Variants in TMEM117 observed in about 807,000 individuals in gnomAD.
The protein encoded by TMEM117 is transmembrane protein 117.
TMEM117 carries 27 observed loss-of-function variants against 52.4 expected under a neutral mutation model. That is an observed-to-expected ratio of 0.51 (90% CI 0.38 to 0.71). TMEM117 has a LOEUF of 0.71. TMEM117 is among the 30% of genes least tolerant of loss of function. The pLI is 0.00. For synonymous variants in TMEM117, 215 were observed against 206.3 expected, an observed-to-expected ratio of 1.04 and a Z score of -0.36; for missense variants, 556 against 630.5, an observed-to-expected ratio of 0.88 and a Z score of 1.26.
chr12:43,909,044 A>AT (rs1387859351), intron 2 of TMEM117, among the ~76,000 whole-genome samples: 2 of 77,076 alleles, frequency 2.6e-5, no homozygotes, highest in Non-Finnish European at 7.0e-5. Context: ...CAGAATATAC[A>AT]TTTTTTTCAG....
Position 44,388,265 on chromosome 12 carries a change from T to G in TMEM117, c.1138T>G (p.Phe380Val). ...TNKTYVEGDM[F>V]LHSRFIGASL... ...TAAAACATATGTTGAGGGAGACATG[T>G]TCTTACACAGCAGGTTCATAGGAGC... The change falls in exon 8 of 8, where the codon TTC becomes GTC. Residue 380 changes from phenylalanine to valine, a missense_variant. Physicochemically the swap from Phe to Val is conservative, Grantham distance 50. Transcript: ENST00000266534. 6.2e-7 allele frequency: 1 copy of G among 1,613,594 alleles called. No individual in the cohort carries two copies. Among genetic ancestry groups the G allele is most frequent in the Non-Finnish European group, 8.5e-7 (1 of 1,179,660 alleles).
intron 4 of TMEM117, 134 bp from the exon 5 acceptor site, chr12:44,211,152 AATTT>A (rs1270103196): frequency 9.3e-6 from 6 of 647,984 alleles, no homozygotes; most frequent in Non-Finnish European, 1.6e-5. Context: ...AGTATATCCT[AATTT>A]TTGTTTCTGC....
At chr12:44,127,772 TC>T (rs1229586116) in intron 3 of TMEM117, among the ~76,000 whole-genome samples, 1 of 152,228 alleles carries the variant, frequency 6.6e-6, no homozygotes, top group East Asian at 1.9e-4. Context: ...AATTGATGTT[TC>T]CCAGAGAAAG....
chr12:44,011,961 C>G lies in TMEM117; in HGVS notation c.410+67619C>G, dbSNP rs141025998. 1.1e-4 allele frequency among the ~76,000 whole-genome samples: 17 copies of G among 152,252 alleles called. No homozygotes were observed. In the East Asian group the frequency reaches 3.1e-3, roughly 28 times the overall value. On this transcript the variant is annotated intron_variant, in intron 3 of 7. Transcript: ENST00000266534. The stretch of plus-strand genomic sequence containing the variant: ...GATGGAATGGGATGGTGTGAGATTT[C>G]TTCACACTACTTAGAATGGTGCATA...
chr12:44,199,745 A>G (rs1949468194), intron 4 of TMEM117, among the ~76,000 whole-genome samples: 2 of 152,200 alleles, frequency 1.3e-5, no homozygotes, highest in Non-Finnish European at 2.9e-5. Flanking sequence ...GAGATGGGAG[A>G]CACTACCAAT....
In TMEM117 at chr12:44,369,328, T is replaced by G. The variant is rs575364072; in HGVS notation, c.769-7267T>G. ...TTCAAGGTGTCTAGGTGTAATGAAG[T>G]TTGTTTTAAAAACCCGCTGCTATCT... On this transcript the variant is annotated intron_variant, in intron 6 of 7. Coordinates refer to ENST00000266534, the MANE Select transcript of TMEM117 (RefSeq NM_032256.3). Among the ~76,000 whole-genome samples the G allele has an allele frequency of 7.7e-4, 118 of 152,316 alleles. 2 individuals are homozygous for G. The South Asian group carries it at 0.016, about 20-fold the overall frequency.
chr12:44,305,364 C>T (rs1187062222), intron 6 of TMEM117, among the ~76,000 whole-genome samples: 1 of 152,136 alleles, frequency 6.6e-6, no homozygotes, highest in Non-Finnish European at 1.5e-5. Context: ...AGTAAAAAGA[C>T]AACCCACAGT....
chr12:44,121,418 C>CTCTTATTCCTCCTCCTCAGCCAAGTCAG (rs1948232239), intron 3 of TMEM117, among the ~76,000 whole-genome samples: 8 of 152,168 alleles, frequency 5.3e-5, no homozygotes, highest in Non-Finnish European at 1.0e-4. Context: ...CCAACCCCTC[C>CTCTTATTCCTCCTCCTCAGCCAAGTCAG]TCTTATTCCT....
intron 6 of TMEM117, among the ~76,000 whole-genome samples, chr12:44,307,498 TCC>T (rs1236114370): frequency 6.6e-6 from 1 of 152,270 alleles, no homozygotes; most frequent in East Asian, 1.9e-4. Context: ...TGTTATAGGG[TCC>T]CAAGTGGTGA....
chr12:44,221,002 A>G (rs2138424865), intron 5 of TMEM117, among the ~76,000 whole-genome samples: 1 of 152,318 alleles, frequency 6.6e-6, no homozygotes, highest in South Asian at 2.1e-4. Flanking sequence ...GGTGAAGCTT[A>G]ACTCCCCACC....
In TMEM117 at chr12:44,135,806, T is replaced by C. The variant is rs530347774; in HGVS notation, c.411-7719T>C. Among the ~76,000 whole-genome samples, 7 of 152,328 alleles carry C rather than the reference T, an allele frequency of 4.6e-5. No homozygotes were observed. The East Asian group carries it at 1.4e-3, about 29-fold the overall frequency. ...ATAGTTCCTGGCAACTGTTAATTATTGTATTTATGTCCCATTGTTTTTATT... is the reference window on the plus strand; with the variant it reads ...ATAGTTCCTGGCAACTGTTAATTATCGTATTTATGTCCCATTGTTTTTATT... On this transcript the variant is annotated intron_variant, in intron 3 of 7. Transcript: ENST00000266534.
chr12:44,093,712 C>A (rs147773817), intron 3 of TMEM117, among the ~76,000 whole-genome samples: 1 of 138,568 alleles, frequency 7.2e-6, no homozygotes, highest in Non-Finnish European at 1.6e-5. Context: ...TTACTCATTA[C>A]TTTTTCTTAG....
Position 44,229,059 on chromosome 12 carries a change from T to C in TMEM117, c.608+17672T>C, listed in dbSNP as rs528214149. 2.2e-4 allele frequency among the ~76,000 whole-genome samples: 33 copies of C among 152,060 alleles called. No individual in the cohort carries two copies. The South Asian group carries it at 6.0e-3, about 28-fold the overall frequency. On this transcript the variant is annotated intron_variant, in intron 5 of 7. Transcript: ENST00000266534. ...GTACATAGATTTGGAACATGTCTTA[T>C]AGGGAAAATAGACATGAGGAGGAAT...
Position 44,381,530 on chromosome 12 carries a change from G to C in TMEM117, c.898+4806G>C, listed in dbSNP as rs527299413. On this transcript the variant is annotated intron_variant, in intron 7 of 7. Coordinates refer to ENST00000266534, the MANE Select transcript of TMEM117 (RefSeq NM_032256.3). ...TGTCCCATTGGTGGCCATCATCTGAGTAAATTAGGAGGGGGTTGGGCAAAA... is the reference window on the plus strand; with the variant it reads ...TGTCCCATTGGTGGCCATCATCTGACTAAATTAGGAGGGGGTTGGGCAAAA... 5.3e-5 allele frequency among the ~76,000 whole-genome samples: 8 copies of C among 152,288 alleles called. No individual in the cohort carries two copies. In the South Asian group the frequency reaches 1.7e-3, roughly 32 times the overall value.
chr12:44,116,990 A>T (rs1256974072), intron 3 of TMEM117, among the ~76,000 whole-genome samples: 3 of 152,178 alleles, frequency 2.0e-5, no homozygotes, highest in Non-Finnish European at 2.9e-5. Context: ...AAACTGTATC[A>T]TCTGGCATCC....
At chr12:43,877,214 T>G (rs1010783717) in intron 2 of TMEM117, among the ~76,000 whole-genome samples, 3 of 152,174 alleles carry the variant, frequency 2.0e-5, no homozygotes, top group Non-Finnish European at 4.4e-5. Flanking sequence ...ATGTGCACAT[T>G]TTTCACTTGG....
chr12:44,380,649 T>C (rs189139038), intron 7 of TMEM117, among the ~76,000 whole-genome samples: 40 of 152,308 alleles, frequency 2.6e-4, no homozygotes, highest in African/African-American at 9.1e-4. Flanking sequence ...ACTTATCCCA[T>C]AGGGTTGTTG....
At chr12:43,941,352 C>T (rs1278978540) in intron 2 of TMEM117, among the ~76,000 whole-genome samples, 1 of 152,132 alleles carries the variant, frequency 6.6e-6, no homozygotes, top group Non-Finnish European at 1.5e-5. Context: ...GGAAAAGTGG[C>T]ACATAATTTA....
At chr12:43,982,751 T>C (rs774157733) in intron 3 of TMEM117, among the ~76,000 whole-genome samples, 4 of 152,184 alleles carry the variant, frequency 2.6e-5, no homozygotes, top group Non-Finnish European at 5.9e-5. Flanking sequence ...GACTCTTCTT[T>C]TACTTGTTCT....
Sources: gnomAD v4.1 joint callset for allele counts (sites outside exome capture counted in the v4.1 genomes callset) on GRCh38, gnomAD v4.1.1 for gene constraint, MANE v1.5 for transcripts, NCBI Gene and HGNC (gene_info 2026-07-23, HGNC 2026-07-21) for gene names.